MEP1B: variants seen among roughly 807,000 people sequenced by gnomAD.
The protein encoded by MEP1B is N-benzoyl-L-tyrosyl-P-amino-benzoic acid hydrolase subunit beta.
In MEP1B, 80 loss-of-function variants were observed where a neutral mutation model predicts 84.6. The ratio of observed to expected loss-of-function variants is 0.95; its 90% CI spans 0.79 to 1.14. The LOEUF (loss-of-function observed/expected upper bound fraction) is 1.14. Ranked by LOEUF, MEP1B falls within the 50% of genes most tolerant of loss-of-function variation. The pLI, the probability that MEP1B is intolerant of heterozygous loss-of-function variation, is 0.00. For synonymous variants in MEP1B, 273 were observed against 288.1 expected (o/e 0.95, Z 0.53); for missense variants, 766 against 855.1 (o/e 0.90, Z 1.30).
intron 10 of MEP1B, among the ~76,000 whole-genome samples, chr18:32,211,700 A>G (rs943621565): frequency 6.6e-6 from 1 of 152,094 alleles, no homozygotes; most frequent in Non-Finnish European, 1.5e-5. Context: ...CAGAGAGGAG[A>G]GCCATGTTGA....
intron 5 of MEP1B, among the ~76,000 whole-genome samples, chr18:32,200,762 C>A (rs2040903877): frequency 6.6e-6 from 1 of 152,202 alleles, no homozygotes; most frequent in South Asian, 2.1e-4. Flanking sequence ...TTTATAGTTT[C>A]CAGGGCCTAA....
chr18:32,219,319 A>G (rs1485978421), intron 14 of MEP1B, among the ~76,000 whole-genome samples: 5 of 152,244 alleles, frequency 3.3e-5, no homozygotes, highest in Non-Finnish European at 5.9e-5. Flanking sequence ...GAAGATGTTT[A>G]ATGCTAATAA....
intron 6 of MEP1B, 97 bp from the exon 7 acceptor site, chr18:32,204,085 G>A (rs2040939202): frequency 1.0e-6 from 1 of 981,826 alleles, no homozygotes; most frequent in Admixed American, 2.1e-5. Flanking sequence ...GGTGGGTAAT[G>A]AAGTGGGTAA....
At chr18:32,199,735 A>G (rs1036180780) in intron 5 of MEP1B, among the ~76,000 whole-genome samples, 16 of 131,916 alleles carry the variant, frequency 1.2e-4, no homozygotes, top group African/African-American at 4.7e-4. Context: ...ACGAGTTCTC[A>G]CTCTATCACC....
intron 5 of MEP1B, among the ~76,000 whole-genome samples, chr18:32,200,544 A>T (rs965984767): frequency 3.9e-5 from 6 of 152,148 alleles, no homozygotes; most frequent in Non-Finnish European, 7.3e-5. Context: ...GACTCAGACT[A>T]AGAAAATTAC....
chr18:32,197,405 G>GTTTTTTTTTTTTTTTTTTT (rs34303503), intron 5 of MEP1B, among the ~76,000 whole-genome samples: 2 of 142,162 alleles, frequency 1.4e-5, no homozygotes, highest in Non-Finnish European at 1.5e-5. Flanking sequence ...TTTCATTTTT[G>GTTTTTTTTTTTTTTTTTTT]TTTTTTTTTT....
intron 2 of MEP1B, among the ~76,000 whole-genome samples, chr18:32,192,071 A>G (rs2040806964): frequency 6.6e-6 from 1 of 152,102 alleles, no homozygotes; most frequent in Non-Finnish European, 1.5e-5. Flanking sequence ...TGACTGACAC[A>G]TAGACATCCC....
In MEP1B at chr18:32,220,212, T is replaced by C; in HGVS notation, c.2092-19T>C. 6.3e-7 allele frequency: 1 copy of C among 1,599,384 alleles called. No homozygotes were observed. Among genetic ancestry groups the C allele is most frequent in the African/African-American group, 1.3e-5 (1 of 74,822 alleles). ...TTAAATTTAGAAATTAAATCATCAATTGTTCTTTCCCCTTTTAGCAGCATG... is the reference window on the plus strand; with the variant it reads ...TTAAATTTAGAAATTAAATCATCAACTGTTCTTTCCCCTTTTAGCAGCATG... On this transcript the variant is annotated intron_variant, in intron 14 of 14. Transcript: ENST00000269202.
At position 32,213,435 on chromosome 18, in the gene MEP1B, T is replaced by G; in HGVS notation, c.1455T>G (p.Asp485Glu). Residue 485 changes from aspartate (D) to glutamate (E), a missense_variant, in exon 11 of 15, where the codon GAT becomes GAG. Physicochemically the swap from Asp to Glu is conservative, Grantham distance 45. Transcript: ENST00000269202. ...IYFHLISGAN[D>E]DQLQWPCPWQ... is the part of the protein sequence containing the mutation. ...TCCACTTGATCTCTGGAGCCAATGATGATCAATTACAGTGGCCATGTCCTT... is the reference window on the plus strand; with the variant it reads ...TCCACTTGATCTCTGGAGCCAATGAGGATCAATTACAGTGGCCATGTCCTT... 1 of 1,613,844 alleles carries G rather than the reference T, an allele frequency of 6.2e-7. No individual in the cohort carries two copies. The highest frequency in any genetic ancestry group is 8.5e-7 in the Non-Finnish European group (1 of 1,179,730).
chr18:32,196,161 C>T lies in MEP1B; in HGVS notation c.250+676C>T. 1 of 605,116 alleles carries T rather than the reference C, an allele frequency of 1.7e-6. No homozygotes were observed. The highest frequency in any genetic ancestry group is 3.1e-6 in the Non-Finnish European group (1 of 323,170). The allele number at this position is 605,116 out of a possible 1,614,324, so 37.5% of individuals were successfully genotyped here. ...CCCTGTTTCTGCTGGCCTTCTGGAGCTGGTGTCACTGCGCCACCTCGGCTT... is the reference window on the plus strand; with the variant it reads ...CCCTGTTTCTGCTGGCCTTCTGGAGTTGGTGTCACTGCGCCACCTCGGCTT... On this transcript the variant is annotated intron_variant, in intron 5 of 14. Transcript: ENST00000269202. The surrounding 1 kb of genome is among the most constrained non-coding windows in gnomAD (Gnocchi z 4.4).
intron 6 of MEP1B, 63 bp from the exon 7 acceptor site, chr18:32,204,119 T>C (rs2040939489): frequency 2.1e-6 from 3 of 1,457,536 alleles, no homozygotes; most frequent in East Asian, 2.4e-5. Context: ...GCAGTGGCGA[T>C]TCTGCCCTGA....
chr18:32,192,617 A>AT (rs1395076246), intron 2 of MEP1B, 29 bp from the exon 3 acceptor site: 1 of 1,604,554 alleles, frequency 6.2e-7, no homozygotes, highest in East Asian at 2.2e-5. Context: ...ATAATGTTCA[A>AT]TTTTTTGTTG....
At position 32,196,506 on chromosome 18, in the gene MEP1B, G is replaced by A; in HGVS notation, c.250+1021G>A. ...CTCAGCTTTGCTCTCATAGACCGAGGTGATGAGGTGGTGGCCAAGGGCCAC... is the reference window on the plus strand; with the variant it reads ...CTCAGCTTTGCTCTCATAGACCGAGATGATGAGGTGGTGGCCAAGGGCCAC... On this transcript the variant is annotated intron_variant, in intron 5 of 14. Transcript: ENST00000269202. The surrounding 1 kb of genome is among the most constrained non-coding windows in gnomAD (Gnocchi z 4.4). The A allele has an allele frequency of 1.4e-6, 1 of 696,380 alleles. No homozygotes were observed. The highest frequency in any genetic ancestry group is 2.6e-6 in the Non-Finnish European group (1 of 378,386). The allele number at this position is 696,380 out of a possible 1,614,324, so 43.1% of individuals were successfully genotyped here.
intron 6 of MEP1B, chr18:32,203,222 T>C (rs1032176099): frequency 7.6e-5 from 34 of 447,752 alleles, no homozygotes; most frequent in African/African-American, 5.3e-4. Context: ...AAGTGGAAAG[T>C]GGATGGGATT....
Position 32,196,525 on chromosome 18 carries a change from G to A in MEP1B, c.250+1040G>A. The stretch of plus-strand genomic sequence containing the variant: ...ACCGAGGTGATGAGGTGGTGGCCAA[G>A]GGCCACCTTGAGAGCTTTGGGCCCT... On this transcript the variant is annotated intron_variant, in intron 5 of 14. Coordinates refer to ENST00000269202, the MANE Select transcript of MEP1B (RefSeq NM_005925.3). This position sits in a 1 kb window ranked among gnomAD's most constrained non-coding sequence, Gnocchi z 4.4. 5.7e-6 allele frequency: 4 copies of A among 697,368 alleles called. No homozygotes were observed. The allele number at this position is 697,368 out of a possible 1,614,324, so 43.2% of individuals were successfully genotyped here.
intron 12 of MEP1B, among the ~76,000 whole-genome samples, chr18:32,215,695 G>A (rs2041077249): frequency 6.6e-6 from 1 of 152,018 alleles, no homozygotes; most frequent in Non-Finnish European, 1.5e-5. Flanking sequence ...GTGGTGGCGG[G>A]CGCCTGTAGT....
chr18:32,209,452 G>GT (rs2041000333), intron 9 of MEP1B, among the ~76,000 whole-genome samples: 1 of 147,444 alleles, frequency 6.8e-6, no homozygotes, highest in Admixed American at 6.8e-5. Context: ...ATACCATTGC[G>GT]TATCAGCCTG....
At chr18:32,193,387 G>GT (rs1468970059) in intron 4 of MEP1B, among the ~76,000 whole-genome samples, 1 of 151,954 alleles carries the variant, frequency 6.6e-6, no homozygotes, top group Non-Finnish European at 1.5e-5. Context: ...TGAAAGCACT[G>GT]TTTTTTTCAG....
chr18:32,206,777 G>T (rs1249188932), intron 7 of MEP1B, among the ~76,000 whole-genome samples: 3 of 151,868 alleles, frequency 2.0e-5, no homozygotes, highest in Non-Finnish European at 4.4e-5. Context: ...ACAATGGACT[G>T]ATTTTTGTAT....
Sources: allele counts gnomAD v4.1 joint callset (sites outside exome capture counted in the v4.1 genomes callset), GRCh38; gene constraint gnomAD v4.1.1; non-coding constraint Gnocchi (gnomAD v3.1); transcripts MANE v1.5; gene names NCBI Gene and HGNC (gene_info 2026-07-23, HGNC 2026-07-21).